Variants in HECTD4 observed in about 807,000 individuals in gnomAD.
HECTD4 encodes the protein HECT domain E3 ubiquitin protein ligase 4, also known as probable E3 ubiquitin-protein ligase HECTD4.
HECTD4 carries 114 observed loss-of-function variants against 471.5 expected under a neutral mutation model. That is an observed-to-expected ratio of 0.24 (90% CI 0.21 to 0.28). The LOEUF is 0.28. Ranked by LOEUF, HECTD4 falls within the 10% of genes least tolerant of loss-of-function variation. HECTD4 has a pLI of 1.00. For missense variants in HECTD4, 3,866 were observed against 5,651.5 expected, an observed-to-expected ratio of 0.68 and a Z score of 10.13; for synonymous variants, 2,012 against 2,256.0, an observed-to-expected ratio of 0.89 and a Z score of 3.07.
At chr12:112,298,881 C>CA (rs374274010) in intron 7 of HECTD4, among the ~76,000 whole-genome samples, 1,641 of 90,052 alleles carry the variant, frequency 0.018, 19 homozygotes, top group African/African-American at 0.04. Context: ...GACTCCATCT[C>CA]AAAAAAAAAA....
chr12:112,359,377 C>T (rs2036409588), intron 1 of HECTD4, among the ~76,000 whole-genome samples: 5 of 152,168 alleles, frequency 3.3e-5, no homozygotes, highest in Middle Eastern at 3.4e-3. Flanking sequence ...CACCCCCCTC[C>T]CCAGCAACCA....
chr12:112,266,366 A>G (rs1272637361), intron 14 of HECTD4, among the ~76,000 whole-genome samples: 1 of 152,398 alleles, frequency 6.6e-6, no homozygotes, highest in South Asian at 2.1e-4. Context: ...TTAAACATCT[A>G]TAGTCAGATA....
chr12:112,248,188 A>C lies in HECTD4; in HGVS notation c.4144-17T>G. On this transcript the variant is annotated splice_polypyrimidine_tract_variant and intron_variant, in intron 26 of 75. Coordinates refer to ENST00000682272, the MANE Select transcript of HECTD4 (RefSeq NM_001388303.1). ...TGCAACACTCTAATAAATACATTAA[A>C]ATAGATGCAAAATAAAAACAAGTAT... The C allele has an allele frequency of 6.3e-7, 1 of 1,593,396 alleles. No homozygotes were observed. Among genetic ancestry groups the C allele is most frequent in the Non-Finnish European group, 8.6e-7 (1 of 1,167,274 alleles).
intron 14 of HECTD4, 47 bp from the exon 15 acceptor site, chr12:112,266,030 G>A (rs755209521): frequency 7.8e-7 from 1 of 1,280,856 alleles, no homozygotes; most frequent in Admixed American, 2.0e-5. Flanking sequence ...ATGACTCCTA[G>A]AATACTGATG....
At chr12:112,258,349 T>C in intron 20 of HECTD4, 147 bp downstream of exon 20, 1 of 528,364 alleles carries the variant, frequency 1.9e-6, no homozygotes, top group Non-Finnish European at 3.3e-6. Context: ...AAAGCAATGC[T>C]ACAGTTATCT....
intron 32 of HECTD4, among the ~76,000 whole-genome samples, chr12:112,240,381 G>A (rs1464722874): frequency 6.6e-6 from 1 of 152,040 alleles, no homozygotes; most frequent in Non-Finnish European, 1.5e-5. Flanking sequence ...CATGAAACCA[G>A]TTATTTCAGA....
At chr12:112,367,022 C>T (rs2036574130) in intron 1 of HECTD4, among the ~76,000 whole-genome samples, 1 of 150,466 alleles carries the variant, frequency 6.6e-6, no homozygotes, top group African/African-American at 2.4e-5. Context: ...TAAATTTTGG[C>T]TGGGTGTAGT....
intron 7 of HECTD4, among the ~76,000 whole-genome samples, chr12:112,284,016 A>G (rs1304060164): frequency 2.1e-5 from 3 of 145,844 alleles, no homozygotes; most frequent in Non-Finnish European, 4.5e-5. Context: ...GATCCAGACC[A>G]CTTACTATAA....
intron 25 of HECTD4, among the ~76,000 whole-genome samples, chr12:112,248,941 T>C (rs1434397383): frequency 2.6e-5 from 4 of 152,202 alleles, no homozygotes; most frequent in Non-Finnish European, 5.9e-5. Flanking sequence ...AGATATTAAA[T>C]ATTCACCACA....
At chr12:112,360,121 A>G (rs998299731) in intron 1 of HECTD4, among the ~76,000 whole-genome samples, 2 of 152,210 alleles carry the variant, frequency 1.3e-5, no homozygotes, top group African/African-American at 4.8e-5. Context: ...AAGCTAGAGT[A>G]TTTCTAGAAA....
chr12:112,310,989 C>CA (rs1326565826), intron 4 of HECTD4, among the ~76,000 whole-genome samples: 1 of 152,132 alleles, frequency 6.6e-6, no homozygotes, highest in Non-Finnish European at 1.5e-5. Flanking sequence ...TGGCCAGGCA[C>CA]AGTGGCTCAT....
At chr12:112,318,928 C>T (rs1291074515) in intron 2 of HECTD4, among the ~76,000 whole-genome samples, 1 of 152,208 alleles carries the variant, frequency 6.6e-6, no homozygotes, top group Non-Finnish European at 1.5e-5. Context: ...AAACACTAAC[C>T]ATCTAAGGGA....
chr12:112,358,382 G>A (rs537258157), intron 1 of HECTD4, among the ~76,000 whole-genome samples: 2 of 152,148 alleles, frequency 1.3e-5, no homozygotes, highest in Non-Finnish European at 2.9e-5. Context: ...TCAGGAGCCC[G>A]AAGCAGGGGG....
intron 1 of HECTD4, among the ~76,000 whole-genome samples, chr12:112,366,837 G>A (rs1263238563): frequency 2.1e-5 from 3 of 145,614 alleles, no homozygotes; most frequent in Admixed American, 7.0e-5. Context: ...CTGAGATCGC[G>A]CCATTGCACT....
intron 1 of HECTD4, among the ~76,000 whole-genome samples, chr12:112,323,404 T>C (rs554164092): frequency 6.6e-6 from 1 of 152,228 alleles, no homozygotes; most frequent in South Asian, 2.1e-4. Context: ...ATTCATAGTT[T>C]TAAAAAAATT....
intron 15 of HECTD4, 145 bp downstream of exon 15, chr12:112,265,733 T>A (rs1394603989): frequency 3.2e-6 from 2 of 623,862 alleles, no homozygotes; most frequent in East Asian, 5.6e-5. Flanking sequence ...GAATCTATTA[T>A]CTTTCAACTG....
intron 7 of HECTD4, among the ~76,000 whole-genome samples, chr12:112,284,136 AGAT>A (rs1466595491): frequency 3.9e-5 from 6 of 152,164 alleles, no homozygotes; most frequent in African/African-American, 1.4e-4. Context: ...ATATTATTGA[AGAT>A]GAACCCTTCC....
Position 112,319,115 on chromosome 12 carries a change from A to C in HECTD4, c.695+110T>G. ...AATTCAATACTGAAAGCAAAGAAGG[A>C]CTTCTGAATGTTAAGACTTCTATCA... On this transcript the variant is annotated intron_variant, in intron 2 of 75. Coordinates refer to ENST00000682272, the MANE Select transcript of HECTD4 (RefSeq NM_001388303.1). The surrounding 1 kb of genome is among the most constrained non-coding windows in gnomAD (Gnocchi z 5.3). The C allele has an allele frequency of 9.1e-7, 1 of 1,104,556 alleles. No individual in the cohort carries two copies. Among genetic ancestry groups the C allele is most frequent in the Non-Finnish European group, 1.3e-6 (1 of 790,930 alleles). 68.4% of individuals were successfully genotyped at this position (1,104,556 alleles called of 1,614,324 possible).
At chr12:112,351,708 G>A (rs1411576146) in intron 1 of HECTD4, among the ~76,000 whole-genome samples, 1 of 152,196 alleles carries the variant, frequency 6.6e-6, no homozygotes, top group East Asian at 1.9e-4. Flanking sequence ...AATCATGGAA[G>A]ATCATAAATG....
Sources: gnomAD v4.1 joint callset for allele counts (sites outside exome capture counted in the v4.1 genomes callset) on GRCh38, gnomAD v4.1.1 for gene constraint, Gnocchi (gnomAD v3.1) non-coding constraint, MANE v1.5 for transcripts, NCBI Gene and HGNC (gene_info 2026-07-23, HGNC 2026-07-21) for gene names.